The following SIAE variants were observed in gnomAD, a reference collection of about 807,000 sequenced individuals.
The protein encoded by SIAE is sialate O-acetylesterase.
In SIAE, 39 loss-of-function variants were observed where a neutral mutation model predicts 52.6. The observed-to-expected ratio is 0.74, with a 90% CI of 0.57 to 0.97. The LOEUF (loss-of-function observed/expected upper bound fraction) is 0.97, where lower values mean the gene tolerates loss of function less well. SIAE is among the 50% of genes least tolerant of loss of function. SIAE has a pLI of 0.00. For synonymous variants in SIAE, 233 were observed against 241.4 expected (o/e 0.97, Z 0.32); for missense variants, 592 against 662.1 (o/e 0.89, Z 1.16).
At position 124,637,146 on chromosome 11, in the gene SIAE, GAC is replaced by G; in HGVS notation, c.1375_1376del (p.Val459LeufsTer29). ...CKWLPASMNT[V>X]STQSLTLAID... The stretch of plus-strand genomic sequence containing the variant: ...TCGCCAGGGTCAGGGACTGGGTGGA[GAC>G]GGTGTTCATAGAAGCTGGAAGCCAC... On this transcript the variant is annotated frameshift_variant, in exon 10 of 10. Transcript: ENST00000263593. LOFTEE classifies it low-confidence loss of function (END_TRUNC). The G allele has an allele frequency of 3.7e-6, 6 of 1,614,202 alleles. No individual in the cohort carries two copies. Among genetic ancestry groups the G allele is most frequent in the Non-Finnish European group, 5.1e-6 (6 of 1,180,036 alleles).
At chr11:124,637,826 T>C (rs191395068) in intron 9 of SIAE, among the ~76,000 whole-genome samples, 2 of 152,290 alleles carry the variant, frequency 1.3e-5, no homozygotes, top group East Asian at 3.9e-4. Flanking sequence ...ACTTCAGAAA[T>C]AGCAGCCCTA....
chr11:124,643,310 G>T (rs1942878218), intron 7 of SIAE, among the ~76,000 whole-genome samples: 1 of 152,262 alleles, frequency 6.6e-6, no homozygotes, highest in South Asian at 2.1e-4. Flanking sequence ...CGGGTAATGT[G>T]GGCAGGGGGC....
chr11:124,676,209 T>TGA (rs887331073), upstream of SIAE: 4 of 152,458 alleles, frequency 2.6e-5, no homozygotes, highest in African/African-American at 9.6e-5. Context: ...ACTCAGGGGC[T>TGA]GAGGCAGGAG....
chr11:124,655,174 C>CCTTTTTT lies in SIAE; in HGVS notation c.406-382_406-381insAAAAAAG, dbSNP rs1555098374. ...ACAAAACCAGACCAATTAACTTCTT[C>CCTTTTTT]TTTTTTTTTTTTTTTTGTGTGTGAG... On this transcript the variant is annotated intron_variant, in intron 3 of 9. Coordinates refer to ENST00000263593, the MANE Select transcript of SIAE (RefSeq NM_170601.5). Among the ~76,000 whole-genome samples, 32 of 135,048 alleles carry CCTTTTTT rather than the reference C, an allele frequency of 2.4e-4. No homozygotes were observed. The East Asian group carries it at 2.9e-3, about 12-fold the overall frequency. The allele number at this position is 135,048 out of a possible 152,430, so 88.6% of individuals were successfully genotyped here.
At position 124,670,947 on chromosome 11, in the gene SIAE, T is replaced by G. The variant is rs1943344725; in HGVS notation, c.68-1426A>C. Among the ~76,000 whole-genome samples the G allele has an allele frequency of 6.6e-6, 1 of 152,120 alleles. No homozygotes were observed. Among genetic ancestry groups the G allele is most frequent in the South Asian group, 2.1e-4 (1 of 4,826 alleles). ...GCACATGTGTGGGAGGGCCTTGTCT[T>G]GGGTAGGTGCTTCATATGGAACCAA... On this transcript the variant is annotated intron_variant, in intron 1 of 9. Transcript: ENST00000263593. The surrounding 1 kb of genome is among the most constrained non-coding windows in gnomAD (Gnocchi z 4.5).
chr11:124,656,738 C>G (rs1191946422), intron 3 of SIAE, among the ~76,000 whole-genome samples: 1 of 152,080 alleles, frequency 6.6e-6, no homozygotes, highest in Non-Finnish European at 1.5e-5. Context: ...TGAGTCCTTT[C>G]TATCCCCCTG....
chr11:124,639,056 G>A (rs953756705), intron 8 of SIAE, among the ~76,000 whole-genome samples: 1 of 152,170 alleles, frequency 6.6e-6, no homozygotes, highest in African/African-American at 2.4e-5. Flanking sequence ...TCATAAGATT[G>A]TTCCTAACCA....
At position 124,673,645 on chromosome 11, in the gene SIAE, C is replaced by T. The variant is rs747267753; in HGVS notation, c.64G>A (p.Ala22Thr). The change falls in exon 1 of 10, where the codon GCA becomes ACA. Residue 22 changes from alanine (A) to threonine (T), a missense_variant. Coordinates refer to ENST00000263593, the MANE Select transcript of SIAE (RefSeq NM_170601.5). ...CGGCCGAGCCGGGCCGCCTCACCTG[C>T]ACTTCTGTCGGCCCACAGGATTAAT... ...LPLILWADRS[A>T]GIGFRFASYI... 10 of 1,613,482 alleles carry T rather than the reference C, an allele frequency of 6.2e-6. No individual in the cohort carries two copies. The highest frequency in any genetic ancestry group is 2.2e-5 in the South Asian group (2 of 90,998).
intron 1 of SIAE, 117 bp downstream of exon 1, chr11:124,673,525 T>C (rs1943405394): frequency 2.2e-5 from 27 of 1,246,274 alleles, no homozygotes; most frequent in Non-Finnish European, 3.0e-5. Context: ...CTAGCCTAGC[T>C]AGGTTCCTTC....
rs1221849899 is a variant in SIAE at position 124,637,038 on chromosome 11, G to A, written c.1485C>T (p.Tyr495=). The A allele has an allele frequency of 5.6e-6, 9 of 1,614,194 alleles. No individual in the cohort carries two copies. The African/African-American group carries it at 9.3e-5, about 17-fold the overall frequency. ...WPCEYKQCPL[Y]HPSSALPAPP... ...GGGCTGGCAGGGCACTACTGGGGTGGTATAGGGGACACTGCTTATATTCAC... is the reference window on the plus strand; with the variant it reads ...GGGCTGGCAGGGCACTACTGGGGTGATATAGGGGACACTGCTTATATTCAC... The change falls in exon 10 of 10, where the codon TAC becomes TAT. Residue 495 remains tyrosine, a synonymous_variant. Coordinates refer to ENST00000263593, the MANE Select transcript of SIAE (RefSeq NM_170601.5).
At chr11:124,652,088 G>A (rs987475970) in intron 4 of SIAE, among the ~76,000 whole-genome samples, 1 of 152,178 alleles carries the variant, frequency 6.6e-6, no homozygotes, top group Non-Finnish European at 1.5e-5. Flanking sequence ...GAGAACAGTG[G>A]AAGATAAGAC....
At chr11:124,647,880 A>G (rs965599228) in intron 6 of SIAE, among the ~76,000 whole-genome samples, 186 bp downstream of exon 6, 3 of 152,206 alleles carry the variant, frequency 2.0e-5, no homozygotes, top group African/African-American at 4.8e-5. Context: ...CCAAAGACAC[A>G]TAAGAGGTCC....
chr11:124,643,132 C>T (rs572841275), intron 7 of SIAE, among the ~76,000 whole-genome samples: 2 of 152,284 alleles, frequency 1.3e-5, no homozygotes, highest in Admixed American at 1.3e-4. Context: ...ATTTCTTACT[C>T]AGCAATAGAA....
intron 4 of SIAE, 128 bp from the exon 5 acceptor site, chr11:124,649,924 A>C: frequency 2.3e-6 from 2 of 853,078 alleles, no homozygotes; most frequent in Non-Finnish European, 3.8e-6. Flanking sequence ...TAAGACTTTC[A>C]AAAGTAGGAT....
intron 4 of SIAE, among the ~76,000 whole-genome samples, chr11:124,653,289 A>G (rs920266455): frequency 6.6e-6 from 1 of 152,180 alleles, no homozygotes; most frequent in Non-Finnish European, 1.5e-5. Context: ...TGTCGAGCAC[A>G]TAGTAGACAC....
At chr11:124,668,773 T>C (rs1356338258) in intron 2 of SIAE, among the ~76,000 whole-genome samples, 1 of 151,898 alleles carries the variant, frequency 6.6e-6, no homozygotes, top group Non-Finnish European at 1.5e-5. Context: ...AGTCTTACAT[T>C]CTTACATTAT....
rs754935815 is a variant in SIAE at position 124,660,565 on chromosome 11, TC to T, written c.405+62del. The T allele has an allele frequency of 2.5e-6, 4 of 1,568,752 alleles. No individual in the cohort carries two copies. The South Asian group carries it at 3.3e-5, about 13-fold the overall frequency. On this transcript the variant is annotated intron_variant, in intron 3 of 9. Coordinates refer to ENST00000263593, the MANE Select transcript of SIAE (RefSeq NM_170601.5). ...CTGCTTCTCCTTGTTGCCCCCTTAT[TC>T]CTCCTTCTTTTCCTTCTTCATCACC...
In SIAE at chr11:124,648,165, A is replaced by G. The variant is rs756904080; in HGVS notation, c.733T>C (p.Tyr245His). ...CGVPKQGSIP[Y>H]DSVTGPSKHS... ...TTACTGGGACCAGTTACAGAATCGT[A>G]TGGAATGGACCTGAAATCATATGAT... is the stretch of plus-strand genomic sequence containing the variant. The change falls in exon 6 of 10, where the codon TAC becomes CAC. Residue 245 changes from tyrosine to histidine, a missense_variant. Transcript: ENST00000263593. The G allele has an allele frequency of 5.0e-6, 8 of 1,613,634 alleles. No homozygotes were observed. The Admixed American group carries it at 8.3e-5, about 17-fold the overall frequency.
intron 2 of SIAE, among the ~76,000 whole-genome samples, chr11:124,661,311 G>A (rs117960154): frequency 0.013 from 2,008 of 152,286 alleles, 25 homozygotes; most frequent in Non-Finnish European, 0.02. Context: ...TGCTAACAAG[G>A]ATTAACACTA....
Sources: gnomAD v4.1 joint callset for allele counts (sites outside exome capture counted in the v4.1 genomes callset) on GRCh38, gnomAD v4.1.1 for gene constraint, Gnocchi (gnomAD v3.1) non-coding constraint, MANE v1.5 for transcripts, NCBI Gene and HGNC (gene_info 2026-07-23, HGNC 2026-07-21) for gene names.